RASA3: variants seen among roughly 807,000 people sequenced by gnomAD.
RASA3 encodes the protein RAS p21 protein activator 3, also known as ras GTPase-activating protein 3.
Under a neutral mutation model 110.0 loss-of-function variants are expected in RASA3, and 73 were observed. The ratio of observed to expected loss-of-function variants is 0.66; its 90% CI spans 0.55 to 0.81. The LOEUF (loss-of-function observed/expected upper bound fraction) is 0.81, where lower values mean the gene tolerates loss of function less well. Ranked by LOEUF, RASA3 falls within the 30% of genes least tolerant of loss-of-function variation. The pLI is 0.00. For missense variants in RASA3, 976 were observed against 1,113.2 expected (o/e 0.88, Z 1.75); for synonymous variants, 500 against 451.4 (o/e 1.11, Z -1.37).
chr13:114,101,942 C>T (rs1023399701), intron 1 of RASA3, among the ~76,000 whole-genome samples: 2 of 152,182 alleles, frequency 1.3e-5, no homozygotes, highest in East Asian at 1.9e-4. Flanking sequence ...ACAGACGGGG[C>T]CCTCTCATCA....
At chr13:114,009,496 C>G (rs756621539) in intron 16 of RASA3, 32 bp from the exon 17 acceptor site, 4 of 1,432,684 alleles carry the variant, frequency 2.8e-6, no homozygotes, top group Admixed American at 3.4e-5. Context: ...TCGAGGACAG[C>G]CCGAAGTACC....
intron 1 of RASA3, among the ~76,000 whole-genome samples, chr13:114,082,635 G>C (rs922103347): frequency 2.0e-5 from 3 of 152,208 alleles, no homozygotes; most frequent in African/African-American, 7.2e-5. Flanking sequence ...CCGTCTGGGG[G>C]CAGCCCCAGA....
At chr13:114,015,518 CG>C (rs2053770473) in intron 13 of RASA3, among the ~76,000 whole-genome samples, 186 bp from the exon 14 acceptor site, 1 of 152,224 alleles carries the variant, frequency 6.6e-6, no homozygotes, top group Non-Finnish European at 1.5e-5. Context: ...GCAATTCACG[CG>C]TGAAAATCAC....
At chr13:114,049,502 C>G (rs2079107943) in intron 3 of RASA3, among the ~76,000 whole-genome samples, 1 of 152,206 alleles carries the variant, frequency 6.6e-6, no homozygotes, top group African/African-American at 2.4e-5. Flanking sequence ...ATCAGCTTCT[C>G]TTACTAAAAT....
chr13:114,014,096 G>T lies in RASA3; in HGVS notation c.1406-848C>A, dbSNP rs982363820. ...TCCGTCTGTCTCTGCCTCTCTCTCC[G>T]TCTCTCCCTGTCTCTCTCTCTCTCT... On this transcript the variant is annotated intron_variant, in intron 14 of 23. Coordinates refer to ENST00000334062, the MANE Select transcript of RASA3 (RefSeq NM_007368.4). The surrounding 1 kb of genome is among the most constrained non-coding windows in gnomAD (Gnocchi z 4.5). 1.0e-5 allele frequency among the ~76,000 whole-genome samples: 1 copy of T among 99,352 alleles called. No individual in the cohort carries two copies. The highest frequency in any genetic ancestry group is 9.3e-5 in the Admixed American group (1 of 10,716). The allele number at this position is 99,352 out of a possible 152,430, so 65.2% of individuals were successfully genotyped here. A position where few individuals can be genotyped will look rare whatever the true frequency, so the allele number is the denominator to read the frequency against.
intron 1 of RASA3, among the ~76,000 whole-genome samples, chr13:114,125,234 G>A (rs925821423): frequency 2.6e-5 from 4 of 152,160 alleles, no homozygotes; most frequent in Admixed American, 6.5e-5. Context: ...TTCAGTTGGC[G>A]ATTACTCATT....
At chr13:114,105,680 C>T (rs2080124104) in intron 1 of RASA3, among the ~76,000 whole-genome samples, 1 of 152,244 alleles carries the variant, frequency 6.6e-6, no homozygotes, top group Non-Finnish European at 1.5e-5. Context: ...GTCTGCAGCA[C>T]ATCCACAGCA....
chr13:114,119,733 TC>T (rs1337936159), intron 1 of RASA3, among the ~76,000 whole-genome samples: 2 of 4,432 alleles, frequency 4.5e-4, no homozygotes, highest in Admixed American at 2.7e-3. Flanking sequence ...GGGCCCCCCC[TC>T]CCTCTCTCCA....
chr13:114,039,461 C>A (rs1484002772), intron 4 of RASA3, among the ~76,000 whole-genome samples: 1 of 152,108 alleles, frequency 6.6e-6, no homozygotes, highest in Non-Finnish European at 1.5e-5. Flanking sequence ...CAGCTGAGGA[C>A]CCAGGAAGCC....
chr13:114,024,809 G>C (rs974187597), intron 7 of RASA3, among the ~76,000 whole-genome samples: 5 of 152,248 alleles, frequency 3.3e-5, no homozygotes, highest in African/African-American at 1.2e-4. Context: ...TGTGGAGCCT[G>C]AACCTGGCCG....
intron 1 of RASA3, among the ~76,000 whole-genome samples, chr13:114,111,309 A>G (rs34464187): frequency 1.9e-3 from 2 of 1,034 alleles, no homozygotes; most frequent in Non-Finnish European, 0.12. Flanking sequence ...CCAGCTGCAG[A>G]CCGAGTTCTA....
At chr13:114,022,929 G>C (rs1171985852) in intron 8 of RASA3, among the ~76,000 whole-genome samples, 1 of 152,194 alleles carries the variant, frequency 6.6e-6, no homozygotes, top group Non-Finnish European at 1.5e-5. Context: ...TATGGTTCAG[G>C]ACCCTGACCC....
intron 9 of RASA3, 27 bp from the exon 10 acceptor site, chr13:114,018,946 A>G (rs749558559): frequency 6.2e-7 from 1 of 1,612,300 alleles, no homozygotes. Flanking sequence ...CATGGAGGGG[A>G]GGCATGAGGC....
intron 21 of RASA3, among the ~76,000 whole-genome samples, chr13:113,994,563 G>A (rs1368189479): frequency 6.8e-5 from 5 of 73,466 alleles, no homozygotes; most frequent in African/African-American, 1.0e-4. Context: ...CTGGGAGGCC[G>A]AGGCAAGAAG....
intron 1 of RASA3, among the ~76,000 whole-genome samples, chr13:114,088,438 G>A (rs568646826): frequency 6.6e-6 from 1 of 152,274 alleles, no homozygotes; most frequent in African/African-American, 2.4e-5. Flanking sequence ...TCCTTCAAGT[G>A]TAAGCCTCTT....
rs150334269 is a variant in RASA3, at chr13:114,052,397, G to A, written c.174-242C>T. On this transcript the variant is annotated intron_variant, in intron 2 of 23. Transcript: ENST00000334062. ...TCTGTACTGGGCTGCCTGGCGGCCC[G>A]GAAGCTGAGACCTCCACAGAGACCA... Among the ~76,000 whole-genome samples the A allele has an allele frequency of 5.7e-3, 863 of 152,278 alleles. 6 individuals are homozygous for A. The highest frequency in any genetic ancestry group is 0.018 in the African/African-American group (763 of 41,534).
chr13:114,030,809 C>T (rs928741830), intron 4 of RASA3, among the ~76,000 whole-genome samples: 1 of 151,476 alleles, frequency 6.6e-6, no homozygotes, highest in Non-Finnish European at 1.5e-5. Flanking sequence ...GTGTGTCCGC[C>T]TGTGTCTGTG....
intron 22 of RASA3, among the ~76,000 whole-genome samples, chr13:113,992,271 C>T (rs567205137): frequency 3.3e-5 from 5 of 152,356 alleles, no homozygotes; most frequent in Non-Finnish European, 7.3e-5. Flanking sequence ...TAAAAATTAT[C>T]TATAGAACCT....
chr13:113,994,713 G>A (rs961375753), intron 21 of RASA3, among the ~76,000 whole-genome samples: 3 of 152,344 alleles, frequency 2.0e-5, no homozygotes, highest in Admixed American at 1.3e-4. Flanking sequence ...GCATCAGCCT[G>A]TAATCCCAGC....
Sources: gnomAD v4.1 joint callset for allele counts (sites outside exome capture counted in the v4.1 genomes callset) on GRCh38, gnomAD v4.1.1 for gene constraint, Gnocchi (gnomAD v3.1) non-coding constraint, MANE v1.5 for transcripts, NCBI Gene and HGNC (gene_info 2026-07-23, HGNC 2026-07-21) for gene names.